COL25A1: variants seen among roughly 807,000 people sequenced by gnomAD.
The protein encoded by COL25A1 is collagen type XXV alpha 1 chain, also known as collagen alpha-1(XXV) chain.
In COL25A1, 103 loss-of-function variants were observed where a neutral mutation model predicts 128.4. The ratio of observed to expected loss-of-function variants is 0.80; its 90% CI spans 0.68 to 0.94. The LOEUF (loss-of-function observed/expected upper bound fraction) is 0.94. COL25A1 is among the 40% of genes least tolerant of loss of function. COL25A1 has a pLI of 0.00. For synonymous variants in COL25A1, 279 were observed against 277.2 expected (o/e 1.01, Z -0.06); for missense variants, 745 against 840.0 (o/e 0.89, Z 1.40).
chr4:108,838,378 C>T (rs4956215), intron 31 of COL25A1, among the ~76,000 whole-genome samples: 101,765 of 152,060 alleles, frequency 0.67, 34,585 homozygotes, highest in East Asian at 0.98. Flanking sequence ...ATTCTAGAAA[C>T]CAAAACTCCC....
At chr4:109,224,222 T>C (rs540103725) in intron 3 of COL25A1, among the ~76,000 whole-genome samples, 2 of 152,242 alleles carry the variant, frequency 1.3e-5, no homozygotes, top group South Asian at 4.2e-4. Flanking sequence ...GAGAAAAAAG[T>C]AATCAAATTG....
At chr4:109,106,385 A>G (rs1037710966) in intron 3 of COL25A1, among the ~76,000 whole-genome samples, 2 of 152,148 alleles carry the variant, frequency 1.3e-5, no homozygotes, top group African/African-American at 4.8e-5. Context: ...TGATAGTTCA[A>G]TGAGTTTTTA....
At chr4:108,985,384 G>T (rs140721598) in intron 6 of COL25A1, among the ~76,000 whole-genome samples, 1 of 152,130 alleles carries the variant, frequency 6.6e-6, no homozygotes, top group Admixed American at 6.5e-5. Context: ...AGCTGCCTTT[G>T]CCCATTACTC....
At chr4:109,287,444 G>A (rs577667265) in intron 3 of COL25A1, among the ~76,000 whole-genome samples, 15 of 152,152 alleles carry the variant, frequency 9.9e-5, no homozygotes, top group East Asian at 3.9e-4. Flanking sequence ...TGCCAGAGTC[G>A]ACTGGCATTA....
intron 3 of COL25A1, among the ~76,000 whole-genome samples, chr4:109,249,419 A>G (rs769684185): frequency 3.5e-5 from 5 of 144,082 alleles, no homozygotes; most frequent in East Asian, 2.3e-4. Flanking sequence ...CCTTAGCCCA[A>G]CACAGTTAGA....
At chr4:109,170,282 T>C (rs1773467009) in intron 3 of COL25A1, among the ~76,000 whole-genome samples, 1 of 152,168 alleles carries the variant, frequency 6.6e-6, no homozygotes, top group African/African-American at 2.4e-5. Context: ...TAAAAAAGTA[T>C]AATTCTTGAA....
chr4:109,175,876 A>G (rs994672602), intron 3 of COL25A1, among the ~76,000 whole-genome samples: 3 of 152,236 alleles, frequency 2.0e-5, no homozygotes, highest in African/African-American at 7.2e-5. Flanking sequence ...TTCATTTAAA[A>G]TTATTTTTAG....
chr4:109,288,381 A>G (rs1379916506), intron 3 of COL25A1, among the ~76,000 whole-genome samples: 1 of 152,204 alleles, frequency 6.6e-6, no homozygotes, highest in Non-Finnish European at 1.5e-5. Flanking sequence ...ATAAGACAGG[A>G]GCATGGAATT....
Position 109,152,510 on chromosome 4 carries a change from T to C in COL25A1, c.368-102331A>G, listed in dbSNP as rs969585859. Among the ~76,000 whole-genome samples, 9 of 152,328 alleles carry C rather than the reference T, an allele frequency of 5.9e-5. No homozygotes were observed. In the East Asian group the frequency reaches 1.7e-3, roughly 29 times the overall value. On this transcript the variant is annotated intron_variant, in intron 3 of 37. Coordinates refer to ENST00000399132, the MANE Select transcript of COL25A1 (RefSeq NM_198721.4). Reference sequence around the variant, plus strand: ...ACATTAGTGGTATTATACATTTAATTGTCATATAGTGAAGCAAAAGTTTAC... The same window carrying C: ...ACATTAGTGGTATTATACATTTAATCGTCATATAGTGAAGCAAAAGTTTAC...
chr4:108,998,621 A>C (rs2126024696), intron 6 of COL25A1, among the ~76,000 whole-genome samples: 1 of 152,278 alleles, frequency 6.6e-6, no homozygotes, highest in East Asian at 1.9e-4. Flanking sequence ...ACTACTTTAA[A>C]CTTCATATGG....
intron 3 of COL25A1, among the ~76,000 whole-genome samples, chr4:109,226,706 T>C (rs900908448): frequency 6.6e-6 from 1 of 152,030 alleles, no homozygotes; most frequent in Non-Finnish European, 1.5e-5. Context: ...GGGAACAAAA[T>C]AATTAAAAAA....
intron 8 of COL25A1, among the ~76,000 whole-genome samples, chr4:108,953,256 C>A (rs1373853693): frequency 6.6e-6 from 1 of 152,088 alleles, no homozygotes; most frequent in Non-Finnish European, 1.5e-5. Context: ...TTATAGGTAC[C>A]TTTCTGTACT....
intron 3 of COL25A1, among the ~76,000 whole-genome samples, chr4:109,056,633 A>C (rs1761471047): frequency 8.8e-6 from 1 of 114,028 alleles, no homozygotes; most frequent in African/African-American, 4.5e-5. Context: ...AAGGTACAAA[A>C]AGATTAAAAA....
chr4:108,832,482 A>C, intron 31 of COL25A1, 49 bp from the exon 32 acceptor site: 1 of 1,268,540 alleles, frequency 7.9e-7, no homozygotes, highest in Non-Finnish European at 1.1e-6. Flanking sequence ...CAAGAATAGC[A>C]GTTATAATTT....
intron 31 of COL25A1, among the ~76,000 whole-genome samples, chr4:108,835,278 A>C (rs1733645059): frequency 6.6e-6 from 1 of 152,200 alleles, no homozygotes; most frequent in South Asian, 2.1e-4. Flanking sequence ...TCAAAGCCCA[A>C]ATATTTATTT....
intron 13 of COL25A1, among the ~76,000 whole-genome samples, chr4:108,902,098 T>C (rs369912219): frequency 2.0e-5 from 3 of 152,180 alleles, no homozygotes; most frequent in East Asian, 1.9e-4. Flanking sequence ...AAATAGACTT[T>C]ATTGTTAGAG....
At chr4:109,292,416 G>T (rs978404348) in intron 3 of COL25A1, among the ~76,000 whole-genome samples, 2 of 151,968 alleles carry the variant, frequency 1.3e-5, no homozygotes, top group South Asian at 4.1e-4. Flanking sequence ...AGTAATGCAT[G>T]GAAAGAGATG....
At chr4:108,944,076 A>G (rs1196654279) in intron 8 of COL25A1, among the ~76,000 whole-genome samples, 1 of 152,160 alleles carries the variant, frequency 6.6e-6, no homozygotes. Flanking sequence ...TGTAGTCTGA[A>G]GACATTTCTT....
intron 3 of COL25A1, among the ~76,000 whole-genome samples, chr4:109,221,102 T>C (rs1368726100): frequency 7.8e-6 from 1 of 128,666 alleles, no homozygotes; most frequent in Non-Finnish European, 1.6e-5. Flanking sequence ...AAGATATTAA[T>C]AATATGCATA....
Sources: gnomAD v4.1 joint callset for allele counts (sites outside exome capture counted in the v4.1 genomes callset) on GRCh38, gnomAD v4.1.1 for gene constraint, MANE v1.5 for transcripts, NCBI Gene and HGNC (gene_info 2026-07-23, HGNC 2026-07-21) for gene names.